The following SERPINB13 variants were observed in gnomAD, a reference collection of about 807,000 sequenced individuals.
The protein encoded by SERPINB13 is serpin family B member 13.
SERPINB13 carries 26 observed loss-of-function variants against 31.2 expected under a neutral mutation model. That is an observed-to-expected ratio of 0.83 (90% CI 0.61 to 1.15). SERPINB13 has a LOEUF of 1.15. Ranked by LOEUF, SERPINB13 falls within the 50% of genes most tolerant of loss-of-function variation. SERPINB13 has a pLI of 0.00. For synonymous variants in SERPINB13, 191 were observed against 172.4 expected (o/e 1.11, Z -0.85); for missense variants, 510 against 469.4 (o/e 1.09, Z -0.80).
chr18:63,589,730 T>A lies in SERPINB13; in HGVS notation c.225+15T>A. 1 of 1,613,732 alleles carries A rather than the reference T, an allele frequency of 6.2e-7. No individual in the cohort carries two copies. Among genetic ancestry groups the A allele is most frequent in the Admixed American group, 1.7e-5 (1 of 59,994 alleles). Reference sequence around the variant, plus strand: ...AAAAAGAGGTGGTAAGAATAAAGGCTGAAGGAAAAGAGGTGGGGAGATGTG... The same window carrying A: ...AAAAAGAGGTGGTAAGAATAAAGGCAGAAGGAAAAGAGGTGGGGAGATGTG... On this transcript the variant is annotated intron_variant, in intron 3 of 7. Transcript: ENST00000344731.
Position 63,587,439 on chromosome 18 carries a change from C to T in SERPINB13, c.-29C>T, listed in dbSNP as rs1477164970. ...CGTTGCCCAGCCACCACCGTCTCTC[C>T]AAAAACCCGAGGTAAGTTCTTATTT... On this transcript the variant is annotated 5_prime_UTR_variant, in exon 1 of 8. Transcript: ENST00000344731. 1 of 470,902 alleles carries T rather than the reference C, an allele frequency of 2.1e-6. No homozygotes were observed. The highest frequency in any genetic ancestry group is 2.0e-5 in the African/African-American group (1 of 50,070). 29.2% of individuals were successfully genotyped at this position (470,902 alleles called of 1,614,324 possible). A position where few individuals can be genotyped will look rare whatever the true frequency, so the allele number is the denominator to read the frequency against.
chr18:63,595,274 C>A, intron 7 of SERPINB13, 90 bp downstream of exon 7: 1 of 1,335,586 alleles, frequency 7.5e-7, no homozygotes, highest in South Asian at 1.4e-5. Flanking sequence ...CCAGCAGTGT[C>A]AAATAGAAAG....
At chr18:63,595,855 C>T (rs1471359790) in intron 7 of SERPINB13, among the ~76,000 whole-genome samples, 4 of 151,860 alleles carry the variant, frequency 2.6e-5, no homozygotes, top group African/African-American at 9.7e-5. Context: ...GCCGAGATAG[C>T]GCCACTGCAC....
rs1329282989 is a variant in SERPINB13, at chr18:63,587,393, A to G, written c.-75A>G. ...ATAAATTAAGGATCCCAGCTACTTA[A>G]TTGACTTATGCTTCCTAGTTCGTTG... On this transcript the variant is annotated 5_prime_UTR_variant, in exon 1 of 8. Coordinates refer to ENST00000344731, the MANE Select transcript of SERPINB13 (RefSeq NM_012397.4). The G allele has an allele frequency of 2.1e-6, 1 of 470,564 alleles. No individual in the cohort carries two copies. The highest frequency in any genetic ancestry group is 4.4e-6 in the Non-Finnish European group (1 of 226,868). The allele number at this position is 470,564 out of a possible 1,614,324, so 29.1% of individuals were successfully genotyped here.
At position 63,597,260 on chromosome 18, in the gene SERPINB13, C is replaced by T. The variant is rs375878632; in HGVS notation, c.1073C>T (p.Ala358Val). The change falls in exon 8 of 8, where the codon GCC becomes GTC. Residue 358 changes from alanine (A) to valine (V), a missense_variant. By Grantham distance (64) the Ala-to-Val change is moderately conservative (BLOSUM62 0). Coordinates refer to ENST00000344731, the MANE Select transcript of SERPINB13 (RefSeq NM_012397.4). The stretch of plus-strand genomic sequence containing the variant: ...GGCATAGGCTTTACTGTCACATCCG[C>T]CCCAGGTCATGAAAATGTTCACTGC... ...ATGIGFTVTS[A>V]PGHENVHCNH... The T allele has an allele frequency of 6.2e-7, 1 of 1,613,898 alleles. No individual in the cohort carries two copies. Among genetic ancestry groups the T allele is most frequent in the Non-Finnish European group, 8.5e-7 (1 of 1,179,910 alleles).
Position 63,587,350 on chromosome 18 carries a change from A to G in SERPINB13, c.-118A>G, listed in dbSNP as rs540418546. The G allele has an allele frequency of 4.3e-6, 2 of 460,784 alleles. No individual in the cohort carries two copies. Among genetic ancestry groups the G allele is most frequent in the East Asian group, 1.4e-4 (2 of 14,338 alleles). 28.5% of individuals were successfully genotyped at this position (460,784 alleles called of 1,614,324 possible). On this transcript the variant is annotated 5_prime_UTR_variant, in exon 1 of 8. Transcript: ENST00000344731. ...CACGCAAGGTGGAAAACCACTGCTGAAGCAGATGTGGAGAACTATAAATTA... is the reference window on the plus strand; with the variant it reads ...CACGCAAGGTGGAAAACCACTGCTGGAGCAGATGTGGAGAACTATAAATTA...
intron 7 of SERPINB13, among the ~76,000 whole-genome samples, chr18:63,596,615 A>G (rs992418876): frequency 5.3e-5 from 8 of 152,254 alleles, no homozygotes; most frequent in African/African-American, 1.9e-4. Context: ...ATCAAATAAA[A>G]TGGACATTCA....
At position 63,597,221 on chromosome 18, in the gene SERPINB13, C is replaced by T. The variant is rs570785632; in HGVS notation, c.1034C>T (p.Ala345Val). ...GCAGTAACTGAGGAAGGCACCGAGG[C>T]TGCAGCTGCCACCGGCATAGGCTTT... Reference protein sequence around the residue: ...FVAVTEEGTEAAAATGIGFTV... With the variant: ...FVAVTEEGTEVAAATGIGFTV... The change falls in exon 8 of 8, where the codon GCT becomes GTT. Residue 345 changes from alanine (A) to valine (V), a missense_variant. Transcript: ENST00000344731. 5 of 1,614,214 alleles carry T rather than the reference C, an allele frequency of 3.1e-6. No homozygotes were observed. Among genetic ancestry groups the T allele is most frequent in the Non-Finnish European group, 4.2e-6 (5 of 1,180,048 alleles).
At chr18:63,595,901 AT>A (rs1912138474) in intron 7 of SERPINB13, among the ~76,000 whole-genome samples, 2 of 106,562 alleles carry the variant, frequency 1.9e-5, no homozygotes, top group African/African-American at 7.8e-5. Flanking sequence ...CTGTCTCAAA[AT>A]TAAATAAATA....
In SERPINB13 at chr18:63,597,403, C is replaced by T; in HGVS notation, c.*40C>T. On this transcript the variant is annotated 3_prime_UTR_variant, in exon 8 of 8. Coordinates refer to ENST00000344731, the MANE Select transcript of SERPINB13 (RefSeq NM_012397.4). ...TGGCATTGCTGCTTTTAGCAAAAAA[C>T]AACTACCAGTGTTACTCATATGATT... is the stretch of plus-strand genomic sequence containing the variant. The T allele has an allele frequency of 6.4e-7, 1 of 1,560,352 alleles. No individual in the cohort carries two copies. Among genetic ancestry groups the T allele is most frequent in the Non-Finnish European group, 8.7e-7 (1 of 1,148,788 alleles).
At chr18:63,596,823 A>G (rs572041818) in intron 7 of SERPINB13, 136 bp from the exon 8 acceptor site, 1 of 683,466 alleles carries the variant, frequency 1.5e-6, no homozygotes, top group African/African-American at 1.8e-5. Context: ...GTATAAAGAC[A>G]ACAATCTAGT....
In SERPINB13 at chr18:63,589,873, A is replaced by C. The variant is rs190649181; in HGVS notation, c.225+158A>C. ...TTAAGCAATAATAATCACCATAGAC[A>C]AATATTGTTGTAAGGATTATACAAT... On this transcript the variant is annotated intron_variant, in intron 3 of 7. Coordinates refer to ENST00000344731, the MANE Select transcript of SERPINB13 (RefSeq NM_012397.4). 788 of 1,398,906 alleles carry C rather than the reference A, an allele frequency of 5.6e-4. 2 individuals are homozygous for C. In the East Asian group the frequency reaches 5.8e-3, roughly 10 times the overall value. The allele number at this position is 1,398,906 out of a possible 1,614,324, so 86.7% of individuals were successfully genotyped here.
At chr18:63,590,113 G>A (rs918689038) in intron 3 of SERPINB13, 4 of 160,612 alleles carry the variant, frequency 2.5e-5, no homozygotes, top group African/African-American at 4.8e-5. Flanking sequence ...TGTAAAGTCC[G>A]CAGTAGGGGC....
chr18:63,588,974 A>C (rs1305367954), intron 2 of SERPINB13, 142 bp downstream of exon 2: 3 of 919,216 alleles, frequency 3.3e-6, no homozygotes, highest in Non-Finnish European at 4.7e-6. Context: ...GACAAGGAGC[A>C]ATTTCAGGTC....
intron 2 of SERPINB13, 57 bp downstream of exon 2, chr18:63,588,889 G>T (rs560170347): frequency 5.8e-6 from 9 of 1,556,502 alleles, no homozygotes; most frequent in South Asian, 4.6e-5. Flanking sequence ...TTTGGCGGGG[G>T]GGTTGTCAGC....
rs1211278228 is a variant in SERPINB13 at position 63,597,676 on chromosome 18, A to G, written c.*313A>G. 2.3e-5 allele frequency: 6 copies of G among 264,288 alleles called. No individual in the cohort carries two copies. The highest frequency in any genetic ancestry group is 4.3e-5 in the Non-Finnish European group (6 of 138,052). The allele number at this position is 264,288 out of a possible 1,614,324, so 16.4% of individuals were successfully genotyped here. A position where few individuals can be genotyped will look rare whatever the true frequency, so the allele number is the denominator to read the frequency against. On this transcript the variant is annotated 3_prime_UTR_variant, in exon 8 of 8. Coordinates refer to ENST00000344731, the MANE Select transcript of SERPINB13 (RefSeq NM_012397.4). ...ACACGAAAGGAGAGAAAGTCTCTCC[A>G]GTAAAGAGTACGAACTAGTAATTTT...
chr18:63,588,644 A>C lies in SERPINB13; in HGVS notation c.-17-7A>C, dbSNP rs759419352. 5 of 1,613,628 alleles carry C rather than the reference A, an allele frequency of 3.1e-6. No individual in the cohort carries two copies. The highest frequency in any genetic ancestry group is 4.2e-6 in the Non-Finnish European group (5 of 1,179,572). The stretch of plus-strand genomic sequence containing the variant: ...TTCAGTTTTGATTGTTGTTCTTGCT[A>C]TTCTAGGTCTCGCTAAAATCATCAT... On this transcript the variant is annotated splice_polypyrimidine_tract_variant and splice_region_variant and intron_variant, in intron 1 of 7. Coordinates refer to ENST00000344731, the MANE Select transcript of SERPINB13 (RefSeq NM_012397.4).
chr18:63,596,058 A>G (rs868430637), intron 7 of SERPINB13, among the ~76,000 whole-genome samples: 3 of 152,132 alleles, frequency 2.0e-5, no homozygotes, highest in African/African-American at 7.2e-5. Flanking sequence ...TTGAACTTCA[A>G]TACTTTCCCA....
rs766753419 is a variant in SERPINB13 at position 63,597,145 on chromosome 18, T to C, written c.958T>C (p.Ser320Pro). ...GCACAAAGCCGACTACTCGGGAATG[T>C]CGTCAGGCTCCGGGTTGTACGCCCA... ...SEHKADYSGM[S>P]SGSGLYAQKF... The change falls in exon 8 of 8, where the codon TCG (serine) becomes CCG (proline). Residue 320 changes from serine to proline, a missense_variant. Transcript: ENST00000344731. 4.6e-5 allele frequency: 74 copies of C among 1,614,100 alleles called. No individual in the cohort carries two copies. The highest frequency in any genetic ancestry group is 6.2e-5 in the Non-Finnish European group (73 of 1,180,040).
Sources: allele counts gnomAD v4.1 joint callset (sites outside exome capture counted in the v4.1 genomes callset), GRCh38; gene constraint gnomAD v4.1.1; transcripts MANE v1.5; gene names NCBI Gene and HGNC (gene_info 2026-07-23, HGNC 2026-07-21).